The following CALN1 variants were observed in gnomAD, a reference collection of about 807,000 sequenced individuals.
CALN1 encodes the protein calneuron 1, also known as calcium-binding protein 8.
A neutral mutation model predicts 30.6 loss-of-function variants in CALN1; 17 were observed. The observed-to-expected ratio is 0.56, with a 90% CI of 0.38 to 0.83. The LOEUF is 0.83. Among genes scored for constraint, CALN1 ranks in the 40% least tolerant of loss-of-function variants. The probability of loss-of-function intolerance (pLI) is 0.00; values close to 1 mark genes in which losing one functional copy is unlikely to be tolerated. For missense variants in CALN1, 291 were observed against 354.9 expected (o/e 0.82, Z 1.45); for synonymous variants, 156 against 131.4 (o/e 1.19, Z -1.28).
At chr7:72,378,793 C>G (rs548679606) in intron 2 of CALN1, among the ~76,000 whole-genome samples, 11 of 151,900 alleles carry the variant, frequency 7.2e-5, no homozygotes, top group Non-Finnish European at 1.5e-4. Context: ...GTCTTGAACT[C>G]CTGACCTCAA....
intron 5 of CALN1, among the ~76,000 whole-genome samples, chr7:71,924,476 T>C (rs535950917): frequency 6.6e-6 from 1 of 152,158 alleles, no homozygotes; most frequent in Non-Finnish European, 1.5e-5. Context: ...AAAACACCTA[T>C]GAAATTCTTA....
chr7:72,291,626 A>G (rs1219092964), intron 2 of CALN1, among the ~76,000 whole-genome samples: 1 of 152,232 alleles, frequency 6.6e-6, no homozygotes, highest in Non-Finnish European at 1.5e-5. Context: ...GAAAATAAGC[A>G]TCACTGCTAC....
intron 3 of CALN1, among the ~76,000 whole-genome samples, chr7:72,193,953 G>C (rs1441452348): frequency 6.6e-6 from 1 of 152,120 alleles, no homozygotes; most frequent in African/African-American, 2.4e-5. Flanking sequence ...CTGAGGACTT[G>C]GGGGAAAGGG....
intron 5 of CALN1, among the ~76,000 whole-genome samples, chr7:71,947,183 G>T (rs935905500): frequency 1.4e-4 from 21 of 151,972 alleles, no homozygotes; most frequent in Admixed American, 2.6e-4. Flanking sequence ...GCTAATTTTT[G>T]TATTTTTAGT....
intron 6 of CALN1, among the ~76,000 whole-genome samples, chr7:71,801,448 C>T (rs937017392): frequency 6.6e-6 from 1 of 151,490 alleles, no homozygotes; most frequent in African/African-American, 2.4e-5. Context: ...ATCTATCTAT[C>T]TATCTATCTA....
intron 3 of CALN1, among the ~76,000 whole-genome samples, chr7:72,181,842 G>C (rs752857939): frequency 1.3e-5 from 2 of 152,144 alleles, no homozygotes; most frequent in Non-Finnish European, 2.9e-5. Context: ...ATGACCATAA[G>C]AACACAAGTA....
intron 5 of CALN1, among the ~76,000 whole-genome samples, chr7:71,830,239 C>T (rs1181568214): frequency 1.3e-5 from 2 of 152,010 alleles, no homozygotes; most frequent in Non-Finnish European, 2.9e-5. Context: ...GATGGGTTTT[C>T]TTCATGTTGG....
chr7:72,396,229 C>T (rs56117150), intron 2 of CALN1, among the ~76,000 whole-genome samples: 2 of 49,942 alleles, frequency 4.0e-5, no homozygotes, highest in East Asian at 6.6e-4. Flanking sequence ...AAACTCTTGT[C>T]TCTACTAAAA....
intron 1 of CALN1, among the ~76,000 whole-genome samples, chr7:72,444,037 A>T (rs1808444607): frequency 6.6e-6 from 1 of 150,948 alleles, no homozygotes; most frequent in African/African-American, 2.4e-5. Context: ...AAAATTATTA[A>T]ATCAATGACT....
intron 3 of CALN1, among the ~76,000 whole-genome samples, chr7:72,274,646 GGTATATGCATAAACTTCCTGGATAGA>G (rs1395233175): frequency 6.6e-6 from 1 of 152,044 alleles, no homozygotes; most frequent in East Asian, 1.9e-4. Context: ...TAATAAATCT[GGTATATGCATAAACTTCCTGGATAGA>G]CGTAAGCTCC....
intron 3 of CALN1, among the ~76,000 whole-genome samples, chr7:72,175,378 G>A (rs1487843294): frequency 6.6e-6 from 1 of 152,032 alleles, no homozygotes; most frequent in Admixed American, 6.6e-5. Flanking sequence ...TTTTAAATAA[G>A]AATAAACCAG....
the CALN1 span, among the ~76,000 whole-genome samples, chr7:72,494,695 CAA>C: frequency 0.14 from 19,015 of 140,416 alleles, 1,299 homozygotes; most frequent in Non-Finnish European, 0.16. Context: ...CCCATCTCTA[CAA>C]AAAAAAAAAA....
chr7:72,405,021 G>A (rs1806604716), intron 1 of CALN1, among the ~76,000 whole-genome samples: 2 of 152,186 alleles, frequency 1.3e-5, no homozygotes, highest in Admixed American at 1.3e-4. Context: ...GCTCAGAGCT[G>A]GACCAGATGG....
intron 5 of CALN1, among the ~76,000 whole-genome samples, chr7:72,012,245 C>T (rs1440514424): frequency 1.3e-5 from 2 of 152,244 alleles, no homozygotes; most frequent in African/African-American, 2.4e-5. Flanking sequence ...CGGCCGGGCA[C>T]GGTGGCTCAA....
chr7:72,275,946 G>A (rs923433941), intron 3 of CALN1, among the ~76,000 whole-genome samples: 12 of 152,224 alleles, frequency 7.9e-5, no homozygotes, highest in African/African-American at 2.9e-4. Flanking sequence ...CTGAACAGTT[G>A]CCTTAGCAGA....
chr7:72,030,746 A>G (rs1169548140), intron 4 of CALN1, among the ~76,000 whole-genome samples: 1 of 151,544 alleles, frequency 6.6e-6, no homozygotes, highest in East Asian at 1.9e-4. Flanking sequence ...ATACCCACAC[A>G]ATTTTTTTTT....
rs898855543 is a variant in CALN1, at chr7:72,395,753, G to A, written c.119+7498C>T. Among the ~76,000 whole-genome samples, 11 of 152,214 alleles carry A rather than the reference G, an allele frequency of 7.2e-5. 2 individuals carry two copies. Among genetic ancestry groups the A allele is most frequent in the East Asian group, 5.8e-4 (3 of 5,162 alleles). On this transcript the variant is annotated intron_variant, in intron 2 of 6. Coordinates refer to ENST00000395275, the MANE Select transcript of CALN1 (RefSeq NM_031468.4). ...ACTCCCATTGGATGTCGAAAACCGAGAAGGAAAAGATTTGGTCAATGGAAC... is the reference window on the plus strand; with the variant it reads ...ACTCCCATTGGATGTCGAAAACCGAAAAGGAAAAGATTTGGTCAATGGAAC...
intron 5 of CALN1, among the ~76,000 whole-genome samples, chr7:71,988,921 G>A (rs971575038): frequency 2.5e-4 from 38 of 152,212 alleles, no homozygotes; most frequent in African/African-American, 8.7e-4. Context: ...AGGCTCAGAG[G>A]GGCACAATAA....
At chr7:72,198,567 T>G (rs1258937404) in intron 3 of CALN1, among the ~76,000 whole-genome samples, 2 of 152,068 alleles carry the variant, frequency 1.3e-5, no homozygotes, top group Non-Finnish European at 2.9e-5. Flanking sequence ...CTCCCTTCTC[T>G]TTCCCGTCTG....
Sources: gnomAD v4.1 joint callset for allele counts (sites outside exome capture counted in the v4.1 genomes callset) on GRCh38, gnomAD v4.1.1 for gene constraint, MANE v1.5 for transcripts, NCBI Gene and HGNC (gene_info 2026-07-23, HGNC 2026-07-21) for gene names.